The following FANCC variants were observed in gnomAD, a reference collection of about 807,000 sequenced individuals.
FANCC encodes Fanconi anemia group C protein.
In FANCC, 55 loss-of-function variants were observed where a neutral mutation model predicts 71.3. The observed-to-expected ratio is 0.77, with a 90% CI of 0.62 to 0.97. FANCC has a LOEUF of 0.97. FANCC is among the 50% of genes least tolerant of loss of function. The pLI is 0.00. For missense variants in FANCC, 678 were observed against 670.9 expected, an observed-to-expected ratio of 1.01 and a Z score of -0.12; for synonymous variants, 275 against 244.9, an observed-to-expected ratio of 1.12 and a Z score of -1.15.
At chr9:95,149,870 C>A (rs1830045561) in intron 7 of FANCC, 53 bp downstream of exon 7, 1 of 1,549,884 alleles carries the variant, frequency 6.5e-7, no homozygotes, top group South Asian at 1.2e-5. Flanking sequence ...ACACCACAGC[C>A]TTCTAAGAAA....
At chr9:95,193,735 C>G (rs1429900892) in intron 4 of FANCC, among the ~76,000 whole-genome samples, 2 of 152,138 alleles carry the variant, frequency 1.3e-5, no homozygotes, top group Non-Finnish European at 2.9e-5. Context: ...GCCCAAATTG[C>G]AAGGGCGGCA....
chr9:95,251,951 G>A (rs960526011), intron 1 of FANCC, among the ~76,000 whole-genome samples: 1 of 152,162 alleles, frequency 6.6e-6, no homozygotes, highest in Non-Finnish European at 1.5e-5. Flanking sequence ...TATGAATCCA[G>A]GGTCTGGCTC....
rs1267333757 is a variant in FANCC at position 95,286,578 on chromosome 9, C to CA, written c.-79+30947dup. 3.3e-5 allele frequency among the ~76,000 whole-genome samples: 5 copies of CA among 152,274 alleles called. No homozygotes were observed. In the South Asian group the frequency reaches 8.3e-4, roughly 25 times the overall value. ...ACATTTTATAGTAGACTGGAAAACA[C>CA]ACAACTGAGTGGGGTAGCAGATATG... On this transcript the variant is annotated intron_variant, in intron 1 of 14. Transcript: ENST00000289081.
chr9:95,118,182 C>G (rs914029855), intron 10 of FANCC, among the ~76,000 whole-genome samples: 1 of 152,132 alleles, frequency 6.6e-6, no homozygotes, highest in African/African-American at 2.4e-5. Flanking sequence ...CCACACCTGG[C>G]TAATTTTTGC....
chr9:95,255,579 T>C (rs1201249337), intron 1 of FANCC, among the ~76,000 whole-genome samples: 1 of 151,984 alleles, frequency 6.6e-6, no homozygotes, highest in Non-Finnish European at 1.5e-5. Flanking sequence ...GATAAATCCA[T>C]GAAGATGAGT....
chr9:95,213,656 C>T (rs1380813231), intron 4 of FANCC, among the ~76,000 whole-genome samples: 2 of 152,136 alleles, frequency 1.3e-5, no homozygotes, highest in Non-Finnish European at 2.9e-5. Flanking sequence ...CAAATATTAA[C>T]TCAAAATGCA....
intron 1 of FANCC, among the ~76,000 whole-genome samples, chr9:95,256,332 A>G (rs771471712): frequency 2.0e-5 from 3 of 152,258 alleles, no homozygotes; most frequent in Non-Finnish European, 2.9e-5. Flanking sequence ...CATCAGACTA[A>G]CAGCGGATCT....
intron 1 of FANCC, among the ~76,000 whole-genome samples, chr9:95,280,508 T>C (rs1180111420): frequency 6.6e-6 from 1 of 152,210 alleles, no homozygotes; most frequent in Non-Finnish European, 1.5e-5. Flanking sequence ...AAACAGATCA[T>C]ATGCTAGGTC....
At chr9:95,129,312 T>G (rs1440555627) in intron 8 of FANCC, among the ~76,000 whole-genome samples, 2 of 152,216 alleles carry the variant, frequency 1.3e-5, no homozygotes, top group Non-Finnish European at 2.9e-5. Context: ...GTCAGGCATA[T>G]GTCCCAGCGA....
chr9:95,280,158 C>G (rs982159268), intron 1 of FANCC, among the ~76,000 whole-genome samples: 1 of 151,066 alleles, frequency 6.6e-6, no homozygotes, highest in African/African-American at 2.4e-5. Context: ...TTAAAAAAAA[C>G]AAATTTTAAA....
chr9:95,127,462 G>C (rs1649112057), intron 8 of FANCC: 1 of 152,272 alleles, frequency 6.6e-6, no homozygotes, highest in Non-Finnish European at 1.5e-5. Context: ...CAGATCATCA[G>C]AGGACAACCC....
intron 1 of FANCC, among the ~76,000 whole-genome samples, chr9:95,269,127 TC>T (rs1832576808): frequency 6.6e-6 from 1 of 152,192 alleles, no homozygotes; most frequent in Non-Finnish European, 1.5e-5. Flanking sequence ...CTTCTTATTC[TC>T]CCATTTTCAC....
chr9:95,261,257 G>A (rs974737785), intron 1 of FANCC, among the ~76,000 whole-genome samples: 10 of 152,128 alleles, frequency 6.6e-5, no homozygotes, highest in Middle Eastern at 3.4e-3. Context: ...CTTTTTTATC[G>A]CAGGTAATCT....
chr9:95,265,291 T>C (rs1333375442), intron 1 of FANCC, among the ~76,000 whole-genome samples: 1 of 152,174 alleles, frequency 6.6e-6, no homozygotes, highest in Admixed American at 6.5e-5. Context: ...TCAGATGACT[T>C]TGCAAAGAAT....
chr9:95,255,410 C>T (rs1214202290), intron 1 of FANCC, among the ~76,000 whole-genome samples: 1 of 152,114 alleles, frequency 6.6e-6, no homozygotes, highest in African/African-American at 2.4e-5. Flanking sequence ...GATACCCAGG[C>T]AAACAGCGTC....
At chr9:95,241,669 CTT>C (rs563100046) in intron 3 of FANCC, among the ~76,000 whole-genome samples, 2 of 151,838 alleles carry the variant, frequency 1.3e-5, no homozygotes, top group African/African-American at 4.8e-5. Flanking sequence ...CAATCTTTCT[CTT>C]TTTTTTGAGA....
intron 10 of FANCC, among the ~76,000 whole-genome samples, chr9:95,122,315 C>G (rs1438837356): frequency 6.6e-6 from 1 of 152,114 alleles, no homozygotes; most frequent in African/African-American, 2.4e-5. Context: ...GGTCACGCAT[C>G]TACCAAATAT....
intron 14 of FANCC, among the ~76,000 whole-genome samples, chr9:95,105,223 T>A (rs762723934): frequency 6.6e-6 from 1 of 152,116 alleles, no homozygotes; most frequent in African/African-American, 2.4e-5. Flanking sequence ...ATGGAGACAA[T>A]CTCCTGGCCC....
chr9:95,214,447 T>C (rs1034669658), intron 4 of FANCC, among the ~76,000 whole-genome samples: 5 of 151,876 alleles, frequency 3.3e-5, no homozygotes, highest in African/African-American at 1.2e-4. Flanking sequence ...ATAATAATAA[T>C]ATATAAAAAA....
Sources: allele counts gnomAD v4.1 joint callset (sites outside exome capture counted in the v4.1 genomes callset), GRCh38; gene constraint gnomAD v4.1.1; transcripts MANE v1.5; gene names NCBI Gene and HGNC (gene_info 2026-07-23, HGNC 2026-07-21).